The following PRICKLE1 variants were observed in gnomAD, a reference collection of about 807,000 sequenced individuals.
PRICKLE1 encodes prickle planar cell polarity protein 1.
PRICKLE1 carries 14 observed loss-of-function variants against 70.2 expected under a neutral mutation model. That is an observed-to-expected ratio of 0.20 (90% confidence interval 0.13 to 0.31). PRICKLE1 has a LOEUF of 0.31. PRICKLE1 is among the 10% of genes least tolerant of loss of function. PRICKLE1 has a pLI of 1.00. For missense variants in PRICKLE1, 821 were observed against 1,026.2 expected (o/e 0.80, Z 2.73); for synonymous variants, 357 against 379.9 (o/e 0.94, Z 0.70).
intron 1 of PRICKLE1, among the ~76,000 whole-genome samples, chr12:42,542,145 G>A (rs73277843): frequency 0.029 from 4,404 of 152,190 alleles, 222 homozygotes; most frequent in African/African-American, 0.1. Context: ...ATCACTCTAC[G>A]AACAGGGTGT....
At chr12:42,497,270 G>A (rs1050456440) in intron 1 of PRICKLE1, among the ~76,000 whole-genome samples, 1 of 152,170 alleles carries the variant, frequency 6.6e-6, no homozygotes, top group Non-Finnish European at 1.5e-5. Flanking sequence ...CGATGGCCGG[G>A]CGTGGTGGCT....
chr12:42,470,156 G>C (rs1938258542), intron 3 of PRICKLE1, 90 bp downstream of exon 3: 2 of 947,764 alleles, frequency 2.1e-6, no homozygotes, highest in Non-Finnish European at 3.4e-6. Context: ...GCCCTCGCCA[G>C]TGAGGAGTTG....
chr12:42,472,576 A>G lies in PRICKLE1; in HGVS notation c.-48-12T>C. ...TCAAACAATGGCTGCTGTGAACAAT[A>G]TAAGAAAAAACAAAGACATCTAAAA... is the stretch of plus-strand genomic sequence containing the variant. On this transcript the variant is annotated splice_polypyrimidine_tract_variant and intron_variant, in intron 1 of 7. Transcript: ENST00000345127. 1 of 1,609,492 alleles carries G rather than the reference A, an allele frequency of 6.2e-7. No homozygotes were observed. Among genetic ancestry groups the G allele is most frequent in the Non-Finnish European group, 8.5e-7 (1 of 1,176,358 alleles).
At chr12:42,580,633 A>C (rs1383963526) in intron 1 of PRICKLE1, among the ~76,000 whole-genome samples, 3 of 152,194 alleles carry the variant, frequency 2.0e-5, no homozygotes, top group South Asian at 4.1e-4. Context: ...TATATTTTTA[A>C]GTTTCTTGAG....
chr12:42,497,425 T>C (rs886574467), intron 1 of PRICKLE1, among the ~76,000 whole-genome samples: 1 of 151,684 alleles, frequency 6.6e-6, no homozygotes, highest in Admixed American at 6.6e-5. Context: ...GGTGGGTGCC[T>C]GTAGTCCCAG....
At chr12:42,552,377 C>T (rs564986306) in intron 1 of PRICKLE1, among the ~76,000 whole-genome samples, 1 of 152,170 alleles carries the variant, frequency 6.6e-6, no homozygotes, top group Non-Finnish European at 1.5e-5. Context: ...CAAGAAAGTT[C>T]CTTAATGTCA....
chr12:42,479,319 C>A (rs1422288355), intron 1 of PRICKLE1, among the ~76,000 whole-genome samples: 1 of 152,234 alleles, frequency 6.6e-6, no homozygotes, highest in Non-Finnish European at 1.5e-5. Context: ...AAGTTATTGA[C>A]CAACGTTTCC....
intron 1 of PRICKLE1, among the ~76,000 whole-genome samples, chr12:42,521,979 CTT>C (rs548219588): frequency 1.8e-4 from 21 of 119,902 alleles, no homozygotes; most frequent in African/African-American, 1.8e-4. Context: ...TGTTTAACTT[CTT>C]TTTTTTTTTT....
chr12:42,482,087 T>C (rs763308932), intron 1 of PRICKLE1, among the ~76,000 whole-genome samples: 2 of 152,216 alleles, frequency 1.3e-5, no homozygotes, highest in Non-Finnish European at 2.9e-5. Context: ...CCGTCCAGCA[T>C]TTTCGAGGTA....
At chr12:42,469,932 G>C (rs1938248984) in intron 3 of PRICKLE1, 4 of 490,312 alleles carry the variant, frequency 8.2e-6, no homozygotes, top group Non-Finnish European at 1.1e-5. Context: ...CAACTCAACT[G>C]CAGGCCTGAA....
intron 1 of PRICKLE1, among the ~76,000 whole-genome samples, chr12:42,497,681 A>G (rs1939232295): frequency 6.6e-6 from 1 of 152,222 alleles, no homozygotes; most frequent in Admixed American, 6.5e-5. Context: ...AAAAATAATG[A>G]AGCAGTTTGA....
At position 42,470,344 on chromosome 12, in the gene PRICKLE1, C is replaced by T. The variant is rs745883137; in HGVS notation, c.148G>A (p.Ala50Thr). 1.9e-6 allele frequency: 3 copies of T among 1,610,726 alleles called. No individual in the cohort carries two copies. The highest frequency in any genetic ancestry group is 1.7e-6 in the Non-Finnish European group (2 of 1,177,042). ...GGAACTTTTTCCTCTGGTAAGCAAG[C>T]AAAATAGAGCTGGATCTGCAAAAGA... is the stretch of plus-strand genomic sequence containing the variant. ...LRPEQIQLYFACLPEEKVPYV... is the reference protein window; with the variant it reads ...LRPEQIQLYFTCLPEEKVPYV... The change falls in exon 3 of 8, where the codon GCT becomes ACT. Residue 50 changes from alanine (A) to threonine (T), a missense_variant. Coordinates refer to ENST00000345127, the MANE Select transcript of PRICKLE1 (RefSeq NM_153026.3).
At position 42,465,266 on chromosome 12, in the gene PRICKLE1, G is replaced by C. The variant is rs780411986; in HGVS notation, c.776-8C>G. ...TCTGTGCATGGTCCACACCTGTTTT[G>C]AAAAGGATAGAATAAATAACAGGTT... On this transcript the variant is annotated splice_region_variant and splice_polypyrimidine_tract_variant and intron_variant, in intron 6 of 7. Coordinates refer to ENST00000345127, the MANE Select transcript of PRICKLE1 (RefSeq NM_153026.3). 6.2e-7 allele frequency: 1 copy of C among 1,613,856 alleles called. No homozygotes were observed. The highest frequency in any genetic ancestry group is 1.1e-5 in the South Asian group (1 of 91,018).
rs74570516 is a variant in PRICKLE1, at chr12:42,552,295, C to T, written c.-49+37170G>A. Among the ~76,000 whole-genome samples the T allele has an allele frequency of 1.8e-3, 269 of 152,068 alleles. 1 individual carries two copies. In the East Asian group the frequency reaches 0.022, roughly 12 times the overall value. Reference sequence around the variant, plus strand: ...GTTGCCTAGGCTGGTCTTGAACTCCCGGGCTCAAGCAATCCTCCCACCTTG... The same window carrying T: ...GTTGCCTAGGCTGGTCTTGAACTCCTGGGCTCAAGCAATCCTCCCACCTTG... On this transcript the variant is annotated intron_variant, in intron 1 of 7. Transcript: ENST00000345127.
At chr12:42,551,413 CTT>C (rs1940314989) in intron 1 of PRICKLE1, among the ~76,000 whole-genome samples, 1 of 152,174 alleles carries the variant, frequency 6.6e-6, no homozygotes, top group African/African-American at 2.4e-5. Flanking sequence ...AACAAACTGA[CTT>C]TGAACTGGTC....
intron 1 of PRICKLE1, among the ~76,000 whole-genome samples, chr12:42,491,499 G>C (rs919157184): frequency 5.3e-5 from 8 of 151,854 alleles, no homozygotes; most frequent in Non-Finnish European, 8.8e-5. Context: ...GTTGCAGTGA[G>C]CCGAGATCAC....
At chr12:42,472,625 C>T (rs2140125691) in intron 1 of PRICKLE1, 61 bp from the exon 2 acceptor site, 5 of 1,377,706 alleles carry the variant, frequency 3.6e-6, no homozygotes, top group East Asian at 2.3e-5. Context: ...CTCTTACCCC[C>T]GACCCAGAGC....
intron 1 of PRICKLE1, among the ~76,000 whole-genome samples, chr12:42,503,075 T>C (rs529748182): frequency 6.6e-6 from 1 of 152,310 alleles, no homozygotes; most frequent in African/African-American, 2.4e-5. Context: ...TGGGTAATAG[T>C]TTACTAAATC....
At chr12:42,571,990 G>A (rs998198516) in intron 1 of PRICKLE1, among the ~76,000 whole-genome samples, 1 of 152,152 alleles carries the variant, frequency 6.6e-6, no homozygotes, top group Non-Finnish European at 1.5e-5. Context: ...GAATGAGAGA[G>A]AAATTTTAAG....
Sources: gnomAD v4.1 joint callset for allele counts (sites outside exome capture counted in the v4.1 genomes callset) on GRCh38, gnomAD v4.1.1 for gene constraint, MANE v1.5 for transcripts, NCBI Gene and HGNC (gene_info 2026-07-23, HGNC 2026-07-21) for gene names.